Variants in CELF2 observed in about 807,000 individuals in gnomAD.
CELF2 encodes CUG triplet repeat RNA-binding protein 2.
CELF2 carries 8 observed loss-of-function variants against 62.6 expected under a neutral mutation model. The observed-to-expected ratio is 0.13, with a 90% CI of 0.07 to 0.23. CELF2 has a LOEUF of 0.23. CELF2 is among the 10% of genes least tolerant of loss of function. The pLI is 1.00. For missense variants in CELF2, 333 were observed against 671.0 expected, an observed-to-expected ratio of 0.50 and a Z score of 5.56; for synonymous variants, 258 against 250.0, an observed-to-expected ratio of 1.03 and a Z score of -0.30.
chr10:10,708,976 C>T, the CELF2 span, among the ~76,000 whole-genome samples: 2 of 152,236 alleles, frequency 1.3e-5, no homozygotes, highest in African/African-American at 4.8e-5. Context: ...AAGGCAAATG[C>T]TATTTCTGGC....
At chr10:10,614,954 G>A in the CELF2 span, among the ~76,000 whole-genome samples, 3 of 152,146 alleles carry the variant, frequency 2.0e-5, no homozygotes, top group East Asian at 5.8e-4. Flanking sequence ...TCAGGTCATG[G>A]GAATCGACGA....
chr10:11,177,863 G>A lies in CELF2; in HGVS notation c.271+12181G>A, dbSNP rs557163553. Reference sequence around the variant, plus strand: ...TCTCCCTAACCCCATGGTGGAGGCTGCGGAGAGTGTTGTAGGCAGTTGCAG... The same window carrying A: ...TCTCCCTAACCCCATGGTGGAGGCTACGGAGAGTGTTGTAGGCAGTTGCAG... On this transcript the variant is annotated intron_variant, in intron 2 of 12. Transcript: ENST00000633077. This position sits in a 1 kb window ranked among gnomAD's most constrained non-coding sequence, Gnocchi z 4.8. Among the ~76,000 whole-genome samples, 1 of 152,256 alleles carries A rather than the reference G, an allele frequency of 6.6e-6. No homozygotes were observed. The highest frequency in any genetic ancestry group is 2.4e-5 in the African/African-American group (1 of 41,540).
At chr10:11,032,175 C>A (rs1410371073) in intron 1 of CELF2, among the ~76,000 whole-genome samples, 1 of 84,202 alleles carries the variant, frequency 1.2e-5, no homozygotes, top group African/African-American at 3.2e-5. Context: ...AAAAAAATTG[C>A]TTCCAGGGGC....
At chr10:10,943,571 C>T (rs772791396) in intron 2 of CELF2, among the ~76,000 whole-genome samples, 3 of 152,148 alleles carry the variant, frequency 2.0e-5, no homozygotes, top group Non-Finnish European at 4.4e-5. Flanking sequence ...CTAGCTATAT[C>T]AGCTACCAAA....
chr10:10,849,986 C>A lies in CELF2; in HGVS notation c.53+51169C>A, dbSNP rs183178316. On this transcript the variant is annotated intron_variant, in intron 1 of 13. Transcript: ENST00000636488. ...TAAAACCCCATCTCTACTAAAAATA[C>A]GAAAAAAAAAAATTAGCCGAGCATG... 2.6e-3 allele frequency among the ~76,000 whole-genome samples: 375 copies of A among 145,102 alleles called. 2 individuals are homozygous for A. The highest frequency in any genetic ancestry group is 7.9e-3 in the African/African-American group (323 of 40,660).
chr10:11,279,978 C>G lies in CELF2; in HGVS notation c.841+4858C>G, dbSNP rs535205840. Reference sequence around the variant, plus strand: ...CTGGTTCGAGAGGTGCCCATCTGAGCAGAGTGCTTCATGAAGTCAAATGCA... The same window carrying G: ...CTGGTTCGAGAGGTGCCCATCTGAGGAGAGTGCTTCATGAAGTCAAATGCA... On this transcript the variant is annotated intron_variant, in intron 8 of 12. Transcript: ENST00000633077. 5.0e-4 allele frequency among the ~76,000 whole-genome samples: 76 copies of G among 152,242 alleles called. No homozygotes were observed. In the South Asian group the frequency reaches 8.3e-3, roughly 17 times the overall value.
intron 2 of CELF2, among the ~76,000 whole-genome samples, chr10:11,169,972 A>T (rs1374120672): frequency 6.6e-6 from 1 of 152,186 alleles, no homozygotes; most frequent in East Asian, 1.9e-4. Context: ...GCAGGCCAAG[A>T]AAAACCATGG....
intron 2 of CELF2, chr10:11,171,203 C>T (rs534488646): frequency 6.6e-6 from 1 of 152,312 alleles, no homozygotes; most frequent in Non-Finnish European, 1.5e-5. Context: ...TACTGCAAGC[C>T]AGAGCTTTCT....
Position 11,165,542 on chromosome 10 carries a change from C to T in CELF2, c.131C>T (p.Pro44Leu). 6.2e-7 allele frequency: 1 copy of T among 1,614,202 alleles called. No individual in the cohort carries two copies. Residue 44 changes from proline (P) to leucine (L), a missense_variant, in exon 2 of 13, where the codon CCA becomes CTA. Physicochemically the swap from Pro to Leu is moderately conservative, Grantham distance 98. Transcript: ENST00000633077. This position sits in a 1 kb window ranked among gnomAD's most constrained non-coding sequence, Gnocchi z 7.4. ...GALDHSDQPDPDAIKMFVGQI... is the reference protein window; with the variant it reads ...GALDHSDQPDLDAIKMFVGQI... ...TTGGATCACTCAGACCAACCAGACC[C>T]AGATGCCATTAAGATGTTTGTCGGA...
At chr10:10,747,287 A>G in the CELF2 span, among the ~76,000 whole-genome samples, 3 of 152,358 alleles carry the variant, frequency 2.0e-5, no homozygotes, top group Middle Eastern at 6.8e-3. Context: ...TTTTGTGCCA[A>G]GAAGCCTTGT....
chr10:11,165,725 G>A lies in CELF2; in HGVS notation c.271+43G>A, dbSNP rs766498659. 4.5e-6 allele frequency: 7 copies of A among 1,555,530 alleles called. No individual in the cohort carries two copies. The Admixed American group carries it at 5.6e-5, about 12-fold the overall frequency. On this transcript the variant is annotated intron_variant, in intron 2 of 12. Coordinates refer to ENST00000633077, the MANE Select transcript of CELF2 (RefSeq NM_001326342.2). The surrounding 1 kb of genome is among the most constrained non-coding windows in gnomAD (Gnocchi z 7.4). ...GGGGTCGCCAGGCGTCCAGGTGGGCGTCGCGGGGCACTGGGGCTGTCCGAG... is the reference window on the plus strand; with the variant it reads ...GGGGTCGCCAGGCGTCCAGGTGGGCATCGCGGGGCACTGGGGCTGTCCGAG...
chr10:11,095,937 T>C (rs1249249141), intron 1 of CELF2, among the ~76,000 whole-genome samples: 2 of 152,228 alleles, frequency 1.3e-5, no homozygotes, highest in Non-Finnish European at 2.9e-5. Flanking sequence ...CCTTAGAATT[T>C]ACAGTGTAAC....
At chr10:11,102,834 C>T (rs1214601204) in intron 1 of CELF2, among the ~76,000 whole-genome samples, 1 of 152,136 alleles carries the variant, frequency 6.6e-6, no homozygotes, top group Admixed American at 6.6e-5. Context: ...TCTCTCATTC[C>T]CCACAGCTCA....
the CELF2 span, among the ~76,000 whole-genome samples, chr10:10,691,261 G>C: frequency 6.6e-6 from 1 of 151,516 alleles, no homozygotes; most frequent in East Asian, 2.0e-4. Flanking sequence ...GCGCTGTTTG[G>C]TTTTTTGTTC....
the CELF2 span, among the ~76,000 whole-genome samples, chr10:10,545,007 A>C: frequency 6.6e-6 from 1 of 152,162 alleles, no homozygotes; most frequent in Non-Finnish European, 1.5e-5. Context: ...AAGTGCCTGA[A>C]TTCCTAATCA....
At chr10:10,718,413 C>T in the CELF2 span, among the ~76,000 whole-genome samples, 6,726 of 152,082 alleles carry the variant, frequency 0.044, 201 homozygotes, top group South Asian at 0.1. Flanking sequence ...CACCTGAGGT[C>T]GGGAGTTCGA....
the CELF2 span, among the ~76,000 whole-genome samples, chr10:10,506,304 C>G: frequency 1.6e-4 from 17 of 109,380 alleles, no homozygotes; most frequent in African/African-American, 2.6e-4. Context: ...GTGTGTGTAT[C>G]TGTGTCTGTG....
At chr10:10,820,711 A>G (rs1288984448) in intron 1 of CELF2, among the ~76,000 whole-genome samples, 1 of 152,218 alleles carries the variant, frequency 6.6e-6, no homozygotes, top group Non-Finnish European at 1.5e-5. Context: ...ACTCACACTG[A>G]GATCAGAACA....
rs1389565441 is a variant in CELF2 at position 11,011,878 on chromosome 10, C to A, written c.53+6438C>A. Among the ~76,000 whole-genome samples the A allele has an allele frequency of 1.3e-5, 2 of 152,124 alleles. No individual in the cohort carries two copies. The highest frequency in any genetic ancestry group is 2.9e-5 in the Non-Finnish European group (2 of 68,012). Reference sequence around the variant, plus strand: ...GCTAAAAATGGCTGGAGATTTGAACCATATTATAGGGAAAAAATAAATTTC... The same window carrying A: ...GCTAAAAATGGCTGGAGATTTGAACAATATTATAGGGAAAAAATAAATTTC... On this transcript the variant is annotated intron_variant, in intron 1 of 12. Coordinates refer to the CELF2 transcript ENST00000416382. The surrounding 1 kb of genome is among the most constrained non-coding windows in gnomAD (Gnocchi z 4.6).
Sources: gnomAD v4.1 joint callset for allele counts (sites outside exome capture counted in the v4.1 genomes callset) on GRCh38, gnomAD v4.1.1 for gene constraint, Gnocchi (gnomAD v3.1) non-coding constraint, MANE v1.5 for transcripts, NCBI Gene and HGNC (gene_info 2026-07-23, HGNC 2026-07-21) for gene names.